SCYL3: variants seen among roughly 807,000 people sequenced by gnomAD.
The protein encoded by SCYL3 is SCY1 like pseudokinase 3.
A neutral mutation model predicts 73.8 loss-of-function variants in SCYL3; 35 were observed. That is an observed-to-expected ratio of 0.47 (90% CI 0.36 to 0.63). The LOEUF is 0.63. Ranked by LOEUF, SCYL3 falls within the 20% of genes least tolerant of loss-of-function variation. SCYL3 has a pLI of 0.00. For missense variants in SCYL3, 712 were observed against 798.9 expected (o/e 0.89, Z 1.31); for synonymous variants, 277 against 295.2 (o/e 0.94, Z 0.63).
chr1:169,873,717 TGC>T lies in SCYL3; in HGVS notation c.499_500del (p.Ala167IlefsTer5), dbSNP rs1317546105. ...TTACCATCTCTTCAGGAGGGATAGA[TGC>T]TGGGTCTCTTATTGACTGAATACTC... ...LRSIQSIRDPASIPPEEMSPE... is the reference protein window; with the variant it reads ...LRSIQSIRDPXSIPPEEMSPE... On this transcript the variant is annotated frameshift_variant, in exon 5 of 13. Transcript: ENST00000367771. LOFTEE classifies it high-confidence loss of function. 6.2e-7 allele frequency: 1 copy of T among 1,604,896 alleles called. No individual in the cohort carries two copies. The highest frequency in any genetic ancestry group is 8.5e-7 in the Non-Finnish European group (1 of 1,172,204).
In SCYL3 at chr1:169,888,757, G is replaced by A. The variant is rs574636645; in HGVS notation, c.84C>T (p.Pro28=). The stretch of plus-strand genomic sequence containing the variant: ...CAAATTTGCCATCTTGCAGTACAGC[G>A]GGATAAACAGCAAGTCCAGAGGGTA... The part of the protein sequence containing the change: ...FTLPSGLAVY[P]AVLQDGKFAS... The change falls in exon 2 of 13, where the codon CCC becomes CCT. Residue 28 remains proline, a synonymous_variant. Transcript: ENST00000367771. The A allele has an allele frequency of 2.2e-5, 35 of 1,613,868 alleles. No individual in the cohort carries two copies. Among genetic ancestry groups the A allele is most frequent in the South Asian group, 1.9e-4 (17 of 91,064 alleles).
chr1:169,892,575 G>A (rs1445184694), intron 1 of SCYL3, among the ~76,000 whole-genome samples: 1 of 152,256 alleles, frequency 6.6e-6, no homozygotes, highest in African/African-American at 2.4e-5. Flanking sequence ...CAAGAAGGTA[G>A]AAAAGGATAT....
intron 11 of SCYL3, among the ~76,000 whole-genome samples, chr1:169,856,808 T>C (rs1417138427): frequency 6.6e-6 from 1 of 152,232 alleles, no homozygotes; most frequent in African/African-American, 2.4e-5. Flanking sequence ...TTTGCAGCCA[T>C]GACGCTGGTT....
At chr1:169,867,107 C>T (rs1159766265) in intron 7 of SCYL3, 134 bp from the exon 8 acceptor site, 3 of 585,388 alleles carry the variant, frequency 5.1e-6, no homozygotes, top group African/African-American at 3.8e-5. Context: ...GATTCTATTA[C>T]AACTAAGTAG....
At chr1:169,888,995 C>T in intron 1 of SCYL3, 105 bp from the exon 2 acceptor site, 1 of 552,164 alleles carries the variant, frequency 1.8e-6, no homozygotes, top group Non-Finnish European at 3.0e-6. Flanking sequence ...CTTTGATCCT[C>T]ATAACTAGGA....
intron 2 of SCYL3, among the ~76,000 whole-genome samples, chr1:169,888,146 A>T (rs1264194515): frequency 6.6e-6 from 1 of 152,340 alleles, no homozygotes; most frequent in East Asian, 1.9e-4. Flanking sequence ...ACTTGGGGTT[A>T]TTTTATTGAC....
chr1:169,868,372 G>A (rs907705053), intron 7 of SCYL3, among the ~76,000 whole-genome samples: 6 of 152,012 alleles, frequency 3.9e-5, no homozygotes, highest in Admixed American at 1.3e-4. Context: ...AAAAATGAAG[G>A]ACACATAATT....
At chr1:169,855,170 A>G (rs1659015565) in intron 11 of SCYL3, among the ~76,000 whole-genome samples, 1 of 152,248 alleles carries the variant, frequency 6.6e-6, no homozygotes, top group South Asian at 2.1e-4. Context: ...TACTTACATT[A>G]TTAACTCAGT....
rs201743212 is a variant in SCYL3, at chr1:169,866,871, T to G, written c.815+25A>C. The stretch of plus-strand genomic sequence containing the variant: ...TGGACTTAATCCAAGTTATTCAATT[T>G]AAATTCTTAATTTTCTGAACTTACT... On this transcript the variant is annotated intron_variant, in intron 8 of 12. Transcript: ENST00000367771. 45 of 1,283,050 alleles carry G rather than the reference T, an allele frequency of 3.5e-5. No individual in the cohort carries two copies. In the East Asian group the frequency reaches 1.0e-3, roughly 30 times the overall value. The allele number at this position is 1,283,050 out of a possible 1,614,324, so 79.5% of individuals were successfully genotyped here. A position where few individuals can be genotyped will look rare whatever the true frequency, so the allele number is the denominator to read the frequency against.
In SCYL3 at chr1:169,864,428, A is replaced by G; in HGVS notation, c.896T>C (p.Val299Ala). 6.2e-7 allele frequency: 1 copy of G among 1,614,162 alleles called. No individual in the cohort carries two copies. Among genetic ancestry groups the G allele is most frequent in the South Asian group, 1.1e-5 (1 of 91,080 alleles). The change falls in exon 9 of 13, where the codon GTG becomes GCG. Residue 299 changes from valine to alanine, a missense_variant. Transcript: ENST00000367771. ...RLVPLLLNQL[V>A]FAEPVAVKSF... is the part of the protein sequence containing the mutation. ...CTTAACAGCCACTGGCTCTGCAAAC[A>G]CCAACTGATTAAGCAGAAGAGGCAC...
At chr1:169,865,482 T>C (rs928470721) in intron 8 of SCYL3, among the ~76,000 whole-genome samples, 3 of 152,090 alleles carry the variant, frequency 2.0e-5, no homozygotes, top group African/African-American at 7.2e-5. Context: ...AGCATTCCCC[T>C]CTCTTCCAGG....
intron 4 of SCYL3, among the ~76,000 whole-genome samples, chr1:169,874,211 C>T (rs1660630333): frequency 6.6e-6 from 1 of 151,984 alleles, no homozygotes; most frequent in Admixed American, 6.6e-5. Flanking sequence ...GGAGACAAAA[C>T]CAACATCCAC....
intron 1 of SCYL3, among the ~76,000 whole-genome samples, chr1:169,890,534 TACA>T (rs781663635): frequency 4.6e-5 from 7 of 152,182 alleles, no homozygotes; most frequent in Non-Finnish European, 1.0e-4. Context: ...TGAAATTCCA[TACA>T]ACACCTTCTA....
chr1:169,888,619 A>T (rs1011281550), intron 2 of SCYL3, 57 bp downstream of exon 2: 6 of 1,405,576 alleles, frequency 4.3e-6, no homozygotes, highest in Non-Finnish European at 5.9e-6. Context: ...ATATTTTTTT[A>T]AAAGAAAACA....
At chr1:169,858,534 T>C (rs1659367677) in intron 11 of SCYL3, among the ~76,000 whole-genome samples, 1 of 152,196 alleles carries the variant, frequency 6.6e-6, no homozygotes, top group South Asian at 2.1e-4. Context: ...AAAGTAAATA[T>C]ATAAACCAGT....
At position 169,851,975 on chromosome 1, in the gene SCYL3, G is replaced by A; in HGVS notation, c.*1738C>T. ...TCAATAGGGGCCAAACTTTAACAAG[G>A]CAAATTCTGCCCTTTTTACTTACTG... On this transcript the variant is annotated 3_prime_UTR_variant, in exon 13 of 13. Transcript: ENST00000367771. The A allele has an allele frequency of 6.2e-7, 1 of 1,613,498 alleles. No homozygotes were observed. The highest frequency in any genetic ancestry group is 8.5e-7 in the Non-Finnish European group (1 of 1,179,734).
chr1:169,852,686 C>CAATG lies in SCYL3; in HGVS notation c.*1023_*1026dup, dbSNP rs1274640608. ...GGTGCATCCTCCTACCCTTGTGATC[C>CAATG]AATGACTAGAATAAAATTTGCATGT... On this transcript the variant is annotated 3_prime_UTR_variant, in exon 13 of 13. Transcript: ENST00000367771. 1 of 1,191,742 alleles carries CAATG rather than the reference C, an allele frequency of 8.4e-7. No homozygotes were observed. Among genetic ancestry groups the CAATG allele is most frequent in the African/African-American group, 1.5e-5 (1 of 65,376 alleles). The allele number at this position is 1,191,742 out of a possible 1,614,324, so 73.8% of individuals were successfully genotyped here.
At chr1:169,869,269 C>A in intron 6 of SCYL3, 1 of 510,430 alleles carries the variant, frequency 2.0e-6, no homozygotes, top group Non-Finnish European at 3.6e-6. Context: ...CCTTCTATAC[C>A]CTCTCATTTC....
chr1:169,859,700 T>C, intron 10 of SCYL3: 1 of 152,548 alleles, frequency 6.6e-6, no homozygotes, highest in Non-Finnish European at 1.5e-5. Flanking sequence ...TGTCCAGTAA[T>C]ATAAACTAGA....
Sources: gnomAD v4.1 joint callset for allele counts (sites outside exome capture counted in the v4.1 genomes callset) on GRCh38, gnomAD v4.1.1 for gene constraint, MANE v1.5 for transcripts, NCBI Gene and HGNC (gene_info 2026-07-23, HGNC 2026-07-21) for gene names.